GOLM2: variants seen among roughly 807,000 people sequenced by gnomAD.
GOLM2 encodes the protein golgi membrane protein 2.
In GOLM2, 26 loss-of-function variants were observed where a neutral mutation model predicts 55.9. That is an observed-to-expected ratio of 0.47 (90% CI 0.34 to 0.65). GOLM2 has a LOEUF of 0.65. Among genes scored for constraint, GOLM2 ranks in the 30% least tolerant of loss-of-function variants. GOLM2 has a pLI of 0.01. For missense variants in GOLM2, 486 were observed against 531.8 expected, an observed-to-expected ratio of 0.91 and a Z score of 0.85; for synonymous variants, 165 against 194.6, an observed-to-expected ratio of 0.85 and a Z score of 1.27.
At chr15:44,327,278 G>A (rs1741581486) in intron 2 of GOLM2, among the ~76,000 whole-genome samples, 1 of 151,408 alleles carries the variant, frequency 6.6e-6, no homozygotes, top group Non-Finnish European at 1.5e-5. Flanking sequence ...AAAACAGCCA[G>A]GCATGGTGGC....
At chr15:44,389,328 G>A (rs2079471949) in intron 8 of GOLM2, among the ~76,000 whole-genome samples, 2 of 152,000 alleles carry the variant, frequency 1.3e-5, no homozygotes, top group South Asian at 2.1e-4. Flanking sequence ...CCAGGAGTTC[G>A]AGAGCAGCCT....
At chr15:44,380,758 A>C (rs756595176) in intron 7 of GOLM2, 48 bp from the exon 8 acceptor site, 1 of 1,284,954 alleles carries the variant, frequency 7.8e-7, no homozygotes, top group Non-Finnish European at 1.0e-6. Context: ...CATCTTTAAA[A>C]GATTAAATTA....
intron 3 of GOLM2, among the ~76,000 whole-genome samples, chr15:44,328,994 A>C (rs1216000663): frequency 6.6e-6 from 1 of 152,200 alleles, no homozygotes; most frequent in Admixed American, 6.5e-5. Context: ...AGCATGAAGT[A>C]TCTCTTAGAG....
At chr15:44,352,853 C>T (rs1014901305) in intron 6 of GOLM2, among the ~76,000 whole-genome samples, 4 of 151,478 alleles carry the variant, frequency 2.6e-5, no homozygotes, top group Non-Finnish European at 5.9e-5. Context: ...TTGCAGTGAG[C>T]CCAGATCGCG....
At chr15:44,376,852 T>C (rs953190700) in intron 6 of GOLM2, among the ~76,000 whole-genome samples, 15 of 152,200 alleles carry the variant, frequency 9.9e-5, no homozygotes, top group African/African-American at 3.6e-4. Context: ...GGAAGCCCTC[T>C]AACTATTCTA....
intron 6 of GOLM2, among the ~76,000 whole-genome samples, chr15:44,350,054 A>G (rs2079151442): frequency 6.6e-6 from 1 of 152,206 alleles, no homozygotes. Context: ...AAAACTTCAA[A>G]TAAACAACCT....
chr15:44,367,576 A>T (rs1409894801), intron 6 of GOLM2, among the ~76,000 whole-genome samples: 1 of 152,004 alleles, frequency 6.6e-6, no homozygotes, highest in Non-Finnish European at 1.5e-5. Context: ...TGGGTGGATC[A>T]TGAGGTCAAG....
chr15:44,354,387 C>A (rs2141164040), intron 6 of GOLM2, among the ~76,000 whole-genome samples: 1 of 151,746 alleles, frequency 6.6e-6, no homozygotes, highest in East Asian at 1.9e-4. Flanking sequence ...CAACATGGCA[C>A]ATGTATACAT....
chr15:44,344,287 G>GTATATATATA lies in GOLM2; in HGVS notation c.802+5985_802+5994dup, dbSNP rs143483392. ...AAAAAAAAAAAATGTATATGTGTGTGTATATATATATATATATATATATAC... is the reference window on the plus strand; with the variant it reads ...AAAAAAAAAAAATGTATATGTGTGTGTATATATATATATATATATATATATATATATATAC... On this transcript the variant is annotated intron_variant, in intron 6 of 9. Transcript: ENST00000299957. Among the ~76,000 whole-genome samples the GTATATATATA allele has an allele frequency of 6.6e-4, 91 of 138,330 alleles. No individual in the cohort carries two copies. In the South Asian group the frequency reaches 9.2e-3, roughly 14 times the overall value. 90.7% of individuals were successfully genotyped at this position (138,330 alleles called of 152,430 possible).
Position 44,289,302 on chromosome 15 carries a change from C to T in GOLM2, c.273C>T (p.Leu91=). The change falls in exon 1 of 10, where the codon CTC becomes CTT. Residue 91 remains leucine, a synonymous_variant. Coordinates refer to ENST00000299957, the MANE Select transcript of GOLM2 (RefSeq NM_138423.4). This position sits in a 1 kb window ranked among gnomAD's most constrained non-coding sequence, Gnocchi z 4.8. The stretch of plus-strand genomic sequence containing the variant: ...AGAAGGAGGCCGACTACGGCCGCCT[C>T]AGCAGCCGGCTGCAGGCCAGAGAGG... ...IDQKEADYGR[L]SSRLQAREGL... The T allele has an allele frequency of 6.2e-7, 1 of 1,613,704 alleles. No individual in the cohort carries two copies. Among genetic ancestry groups the T allele is most frequent in the Non-Finnish European group, 8.5e-7 (1 of 1,179,868 alleles).
chr15:44,403,268 T>G (rs1358577951), intron 9 of GOLM2, among the ~76,000 whole-genome samples: 7 of 152,194 alleles, frequency 4.6e-5, no homozygotes, highest in Non-Finnish European at 1.0e-4. Context: ...GTTCAAGCGA[T>G]TCTCCTGCCT....
At chr15:44,358,986 C>T (rs1437464747) in intron 6 of GOLM2, among the ~76,000 whole-genome samples, 4 of 151,472 alleles carry the variant, frequency 2.6e-5, no homozygotes, top group Admixed American at 1.3e-4. Flanking sequence ...GAAACCCCAT[C>T]GCCACTAAAA....
chr15:44,316,898 A>C (rs1259555599), intron 1 of GOLM2, among the ~76,000 whole-genome samples: 1 of 151,884 alleles, frequency 6.6e-6, no homozygotes, highest in Non-Finnish European at 1.5e-5. Flanking sequence ...AGGTGGGAGG[A>C]TCACATGGGC....
rs551236174 is a variant in GOLM2, at chr15:44,334,287, T to A, written c.576+2209T>A. Among the ~76,000 whole-genome samples, 313 of 152,334 alleles carry A rather than the reference T, an allele frequency of 2.1e-3. 2 individuals carry two copies. The highest frequency in any genetic ancestry group is 7.1e-3 in the African/African-American group (294 of 41,588). ...TCTACTCCCCACCCTTCATTTCCTGTACTTTAACTACTATGGCAAGTTGGT... is the reference window on the plus strand; with the variant it reads ...TCTACTCCCCACCCTTCATTTCCTGAACTTTAACTACTATGGCAAGTTGGT... On this transcript the variant is annotated intron_variant, in intron 4 of 9. Transcript: ENST00000299957.
At chr15:44,304,314 T>C (rs1298025829) in intron 1 of GOLM2, among the ~76,000 whole-genome samples, 3 of 139,370 alleles carry the variant, frequency 2.2e-5, no homozygotes, top group Non-Finnish European at 4.6e-5. Flanking sequence ...TGATCTCGGC[T>C]CACTGCAGCC....
At chr15:44,373,358 G>C (rs2079342095) in intron 6 of GOLM2, among the ~76,000 whole-genome samples, 1 of 149,162 alleles carries the variant, frequency 6.7e-6, no homozygotes, top group Non-Finnish European at 1.5e-5. Flanking sequence ...TCGGGAGGCT[G>C]AGGCAGGAGA....
intron 6 of GOLM2, among the ~76,000 whole-genome samples, chr15:44,375,353 T>C (rs2141189197): frequency 6.6e-6 from 1 of 152,326 alleles, no homozygotes; most frequent in Non-Finnish European, 1.5e-5. Flanking sequence ...TGTCATGATA[T>C]TGTTTGCAGT....
At chr15:44,332,734 T>C (rs2141141407) in intron 4 of GOLM2, among the ~76,000 whole-genome samples, 1 of 152,228 alleles carries the variant, frequency 6.6e-6, no homozygotes, top group Middle Eastern at 3.4e-3. Flanking sequence ...ACTTTTTCCT[T>C]TATCATCAGT....
chr15:44,371,264 A>G (rs2079328113), intron 6 of GOLM2, among the ~76,000 whole-genome samples: 1 of 152,190 alleles, frequency 6.6e-6, no homozygotes, highest in African/African-American at 2.4e-5. Context: ...ATGGTTGTAC[A>G]GTGCTTACAA....
Sources: gnomAD v4.1 joint callset for allele counts (sites outside exome capture counted in the v4.1 genomes callset) on GRCh38, gnomAD v4.1.1 for gene constraint, Gnocchi (gnomAD v3.1) non-coding constraint, MANE v1.5 for transcripts, NCBI Gene and HGNC (gene_info 2026-07-23, HGNC 2026-07-21) for gene names.